The following GPC6 variants were observed in gnomAD, a reference collection of about 807,000 sequenced individuals.
The protein encoded by GPC6 is glypican 6, also known as glypican-6.
GPC6 carries 14 observed loss-of-function variants against 55.2 expected under a neutral mutation model. The observed-to-expected ratio is 0.25, with a 90% CI of 0.17 to 0.40. The LOEUF (loss-of-function observed/expected upper bound fraction) is 0.40, where lower values mean the gene tolerates loss of function less well. GPC6 is among the 10% of genes least tolerant of loss of function. The pLI is 1.00. For synonymous variants in GPC6, 278 were observed against 259.6 expected (o/e 1.07, Z -0.68); for missense variants, 641 against 708.5 (o/e 0.90, Z 1.08).
rs1294292391 is a variant in GPC6, at chr13:93,561,359, G to C, written c.319+15938G>C. Among the ~76,000 whole-genome samples the C allele has an allele frequency of 2.8e-5, 4 of 141,906 alleles. No homozygotes were observed. In the East Asian group the frequency reaches 7.8e-4, roughly 28 times the overall value. 93.1% of individuals were successfully genotyped at this position (141,906 alleles called of 152,430 possible). A position where few individuals can be genotyped will look rare whatever the true frequency, so the allele number is the denominator to read the frequency against. ...TCTATGAAAAAATAATTTTTAGTAA[G>C]ATTGATACACATTTATATCAATAAT... is the stretch of plus-strand genomic sequence containing the variant. On this transcript the variant is annotated intron_variant, in intron 2 of 8. Transcript: ENST00000377047.
At chr13:93,916,093 C>T (rs951094231) in intron 3 of GPC6, among the ~76,000 whole-genome samples, 1 of 152,146 alleles carries the variant, frequency 6.6e-6, no homozygotes, top group African/African-American at 2.4e-5. Context: ...TCAGAGGGAC[C>T]TGCTCAGTTT....
At position 94,405,482 on chromosome 13, in the gene GPC6, T is replaced by C. The variant is rs1881331532; in HGVS notation, c.*2265T>C. 6.6e-6 allele frequency: 1 copy of C among 152,242 alleles called. No individual in the cohort carries two copies. The highest frequency in any genetic ancestry group is 1.5e-5 in the Non-Finnish European group (1 of 68,034). 9.4% of individuals were successfully genotyped at this position (152,242 alleles called of 1,614,324 possible). On this transcript the variant is annotated 3_prime_UTR_variant, in exon 9 of 9. Transcript: ENST00000377047. ...GACTATTTGAATAATAACTTGCTTT[T>C]ATGGCTTTAAACTCCAGGTCTTTCC... is the stretch of plus-strand genomic sequence containing the variant.
At chr13:94,207,296 T>C (rs1321786311) in intron 4 of GPC6, among the ~76,000 whole-genome samples, 2 of 152,178 alleles carry the variant, frequency 1.3e-5, no homozygotes, top group Non-Finnish European at 2.9e-5. Flanking sequence ...AAATCCTGGG[T>C]ACATTTAAAA....
At chr13:93,423,328 GA>G (rs895513256) in intron 1 of GPC6, among the ~76,000 whole-genome samples, 1 of 152,114 alleles carries the variant, frequency 6.6e-6, no homozygotes, top group Admixed American at 6.5e-5. Context: ...AGAAAGTTGA[GA>G]AAGAGCTAAA....
intron 1 of GPC6, among the ~76,000 whole-genome samples, chr13:93,460,019 G>A (rs146505409): frequency 3.3e-5 from 5 of 152,288 alleles, no homozygotes; most frequent in African/African-American, 1.2e-4. Context: ...TAGGGTGTGT[G>A]TTCACCATTA....
chr13:94,343,764 C>G (rs142692741), intron 6 of GPC6, among the ~76,000 whole-genome samples: 22 of 152,230 alleles, frequency 1.4e-4, no homozygotes, highest in Non-Finnish European at 2.8e-4. Flanking sequence ...GGATCTTGCT[C>G]TGTGGCCCAG....
chr13:93,515,406 A>G (rs1274684740), intron 1 of GPC6, among the ~76,000 whole-genome samples: 1 of 152,174 alleles, frequency 6.6e-6, no homozygotes, highest in Non-Finnish European at 1.5e-5. Context: ...AATGCATGCT[A>G]TGTAGGGATA....
intron 3 of GPC6, among the ~76,000 whole-genome samples, chr13:93,943,048 G>A (rs1021787451): frequency 6.6e-6 from 1 of 151,968 alleles, no homozygotes; most frequent in African/African-American, 2.4e-5. Flanking sequence ...CCCCCATAAG[G>A]CTCTGCTGCA....
At chr13:93,914,626 T>A (rs1490068178) in intron 3 of GPC6, among the ~76,000 whole-genome samples, 1 of 152,240 alleles carries the variant, frequency 6.6e-6, no homozygotes, top group Non-Finnish European at 1.5e-5. Flanking sequence ...GTTATTAGAA[T>A]GCCATTTTAT....
At chr13:94,272,680 G>A (rs369818760) in intron 4 of GPC6, among the ~76,000 whole-genome samples, 30 of 151,928 alleles carry the variant, frequency 2.0e-4, no homozygotes, top group African/African-American at 6.3e-4. Flanking sequence ...GTGTTAGCCA[G>A]GATGGTCTCA....
intron 3 of GPC6, among the ~76,000 whole-genome samples, chr13:93,985,412 G>A (rs768019812): frequency 1.4e-4 from 21 of 151,484 alleles, no homozygotes; most frequent in Middle Eastern, 3.4e-3. Flanking sequence ...ACTCCAGCCC[G>A]GGCAACAGAG....
At chr13:94,140,656 A>T (rs1356901173) in intron 4 of GPC6, among the ~76,000 whole-genome samples, 1 of 152,174 alleles carries the variant, frequency 6.6e-6, no homozygotes, top group Non-Finnish European at 1.5e-5. Flanking sequence ...CACTGTCTTC[A>T]GCAATTTTAT....
At chr13:93,233,738 A>G (rs1348770669) in intron 1 of GPC6, among the ~76,000 whole-genome samples, 1 of 152,168 alleles carries the variant, frequency 6.6e-6, no homozygotes. Flanking sequence ...CTGTGTGGTG[A>G]GAATACCCTG....
intron 6 of GPC6, among the ~76,000 whole-genome samples, chr13:94,377,266 A>G (rs9524466): frequency 0.045 from 6,400 of 142,524 alleles, 188 homozygotes; most frequent in East Asian, 0.067. Flanking sequence ...GCAACCTACA[A>G]AATGGGAGAA....
At chr13:94,038,934 G>A (rs1206148602) in intron 4 of GPC6, among the ~76,000 whole-genome samples, 1 of 151,952 alleles carries the variant, frequency 6.6e-6, no homozygotes, top group Non-Finnish European at 1.5e-5. Context: ...GAGTAGAAAT[G>A]CACTTCATCA....
At chr13:93,586,884 A>G (rs999934784) in intron 2 of GPC6, among the ~76,000 whole-genome samples, 9 of 152,170 alleles carry the variant, frequency 5.9e-5, no homozygotes, top group African/African-American at 2.2e-4. Context: ...TGTGAAATAG[A>G]CATATATTCG....
At chr13:93,274,437 G>T (rs1877659903) in intron 1 of GPC6, among the ~76,000 whole-genome samples, 1 of 152,096 alleles carries the variant, frequency 6.6e-6, no homozygotes, top group African/African-American at 2.4e-5. Flanking sequence ...TGAATTTTAT[G>T]CTATAATGAA....
intron 1 of GPC6, among the ~76,000 whole-genome samples, chr13:93,524,760 G>C (rs1326684769): frequency 3.9e-5 from 6 of 152,152 alleles, no homozygotes. Context: ...AAATGTAGTT[G>C]GGCTGATGCT....
chr13:94,382,622 C>T (rs895219147), intron 7 of GPC6, 72 bp downstream of exon 7: 41 of 1,585,256 alleles, frequency 2.6e-5, no homozygotes, highest in Non-Finnish European at 2.5e-5. Context: ...CCTGGCACAA[C>T]TCTACAAACC....
Sources: gnomAD v4.1 joint callset for allele counts (sites outside exome capture counted in the v4.1 genomes callset) on GRCh38, gnomAD v4.1.1 for gene constraint, MANE v1.5 for transcripts, NCBI Gene and HGNC (gene_info 2026-07-23, HGNC 2026-07-21) for gene names.